DENND2A: variants seen among roughly 807,000 people sequenced by gnomAD.
The protein encoded by DENND2A is DENN domain-containing protein 2A.
In DENND2A, 53 loss-of-function variants were observed where a neutral mutation model predicts 105.3. That is an observed-to-expected ratio of 0.50 (90% confidence interval 0.40 to 0.63). DENND2A has a LOEUF of 0.63. DENND2A is among the 30% of genes least tolerant of loss of function. The probability of loss-of-function intolerance (pLI) is 0.00; values close to 1 mark genes in which losing one functional copy is unlikely to be tolerated. For missense variants in DENND2A, 1,138 were observed against 1,279.6 expected (o/e 0.89, Z 1.69); for synonymous variants, 522 against 508.4 (o/e 1.03, Z -0.36).
chr7:140,587,446 C>T (rs1057451257), intron 4 of DENND2A, among the ~76,000 whole-genome samples: 2 of 152,120 alleles, frequency 1.3e-5, no homozygotes, highest in African/African-American at 4.8e-5. Context: ...GCTAGTCTTC[C>T]CCCTCCAGCC....
chr7:140,541,766 C>G (rs930781325), intron 14 of DENND2A, among the ~76,000 whole-genome samples: 2 of 152,178 alleles, frequency 1.3e-5, no homozygotes, highest in Admixed American at 6.5e-5. Flanking sequence ...CAAAAGTGCA[C>G]CGGGAGTACG....
intron 1 of DENND2A, among the ~76,000 whole-genome samples, chr7:140,609,630 C>A (rs533007721): frequency 1.3e-5 from 2 of 152,186 alleles, no homozygotes; most frequent in Admixed American, 6.5e-5. Context: ...TTGAACATTT[C>A]TGTAAGTTTC....
chr7:140,568,636 G>C (rs890721910), intron 8 of DENND2A, 127 bp downstream of exon 8: 1 of 923,834 alleles, frequency 1.1e-6, no homozygotes, highest in Admixed American at 1.9e-5. Flanking sequence ...ACTGTCTCCC[G>C]AGATGTCCAC....
Position 140,535,209 on chromosome 7 carries a change from G to T in DENND2A, c.2328-7714C>A, listed in dbSNP as rs871271. On this transcript the variant is annotated intron_variant, in intron 14 of 19. Transcript: ENST00000496613. ...AGAGGAACACCCCAGGAACTGGAAG[G>T]CTGATTCAGTGAATGCCCTTTAGTA... 1.5e-3 allele frequency among the ~76,000 whole-genome samples: 232 copies of T among 152,300 alleles called. 2 individuals are homozygous for T. Among genetic ancestry groups the T allele is most frequent in the African/African-American group, 5.2e-3 (216 of 41,562 alleles).
chr7:140,593,675 C>T (rs995343736), intron 3 of DENND2A, among the ~76,000 whole-genome samples: 2 of 152,168 alleles, frequency 1.3e-5, no homozygotes, highest in African/African-American at 4.8e-5. Flanking sequence ...GGAAATCAGA[C>T]TCCTAGCCTC....
chr7:140,622,223 C>A (rs1800320102), intron 1 of DENND2A, among the ~76,000 whole-genome samples: 1 of 151,674 alleles, frequency 6.6e-6, no homozygotes, highest in Admixed American at 6.6e-5. Flanking sequence ...CATGGTGAAA[C>A]CGTCTCTACT....
intron 9 of DENND2A, among the ~76,000 whole-genome samples, chr7:140,566,188 C>T (rs60872627): frequency 0.028 from 4,332 of 152,158 alleles, 208 homozygotes; most frequent in African/African-American, 0.098. Context: ...CCTGCCACCA[C>T]GCCCAGCTAA....
intron 16 of DENND2A, among the ~76,000 whole-genome samples, chr7:140,525,481 C>A (rs1351408395): frequency 6.6e-6 from 1 of 152,072 alleles, no homozygotes; most frequent in East Asian, 1.9e-4. Context: ...AATCTAGGTG[C>A]CTATAGTTAT....
intron 13 of DENND2A, among the ~76,000 whole-genome samples, chr7:140,545,307 A>G (rs1796850485): frequency 6.6e-6 from 1 of 151,700 alleles, no homozygotes; most frequent in African/African-American, 2.4e-5. Flanking sequence ...ACACCATCCC[A>G]CTCCATTTCT....
intron 1 of DENND2A, among the ~76,000 whole-genome samples, chr7:140,620,355 G>T (rs917914935): frequency 4.9e-5 from 6 of 121,990 alleles, no homozygotes; most frequent in Admixed American, 4.1e-4. Flanking sequence ...GGGGTGGGGG[G>T]GGGGAGGAGG....
At chr7:140,627,064 C>G (rs936622064) in intron 1 of DENND2A, among the ~76,000 whole-genome samples, 1 of 152,170 alleles carries the variant, frequency 6.6e-6, no homozygotes, top group African/African-American at 2.4e-5. Context: ...GAAATTGCAC[C>G]TGTAAAACAT....
intron 12 of DENND2A, 138 bp from the exon 13 acceptor site, chr7:140,547,077 G>T: frequency 9.3e-7 from 1 of 1,073,144 alleles, no homozygotes; most frequent in Non-Finnish European, 1.3e-6. Flanking sequence ...GCCAAAACAG[G>T]CCCTTTGACC....
At chr7:140,555,561 T>C (rs1797327087) in intron 12 of DENND2A, 75 bp downstream of exon 12, 2 of 1,299,638 alleles carry the variant, frequency 1.5e-6, no homozygotes, top group Non-Finnish European at 2.2e-6. Context: ...GCCCAGGACA[T>C]GGGGGTATTC....
chr7:140,542,767 T>C (rs915226811), intron 14 of DENND2A, among the ~76,000 whole-genome samples: 10 of 152,102 alleles, frequency 6.6e-5, no homozygotes, highest in African/African-American at 2.4e-4. Context: ...GGTTTCACCA[T>C]GTTGTTCAGG....
chr7:140,596,258 C>T (rs984620640), intron 3 of DENND2A, among the ~76,000 whole-genome samples: 2 of 152,188 alleles, frequency 1.3e-5, no homozygotes, highest in African/African-American at 4.8e-5. Context: ...TCCAATGCAG[C>T]TTCTATTGAA....
chr7:140,555,020 A>T (rs1797299336), intron 12 of DENND2A, among the ~76,000 whole-genome samples: 1 of 152,328 alleles, frequency 6.6e-6, no homozygotes, highest in African/African-American at 2.4e-5. Flanking sequence ...CAGAAGAAGA[A>T]AAATAAAACA....
chr7:140,629,514 G>A (rs1231624215), intron 1 of DENND2A, among the ~76,000 whole-genome samples: 1 of 152,212 alleles, frequency 6.6e-6, no homozygotes, highest in Non-Finnish European at 1.5e-5. Context: ...GACGGACCCG[G>A]CAGCAGGCTA....
intron 1 of DENND2A, among the ~76,000 whole-genome samples, chr7:140,612,894 C>T (rs1799950478): frequency 6.6e-6 from 1 of 151,820 alleles, no homozygotes; most frequent in Non-Finnish European, 1.5e-5. Flanking sequence ...GCGGGTGGAT[C>T]ACCTGAGGTC....
intron 14 of DENND2A, among the ~76,000 whole-genome samples, chr7:140,541,662 G>A (rs1796664164): frequency 6.6e-6 from 1 of 152,204 alleles, no homozygotes; most frequent in African/African-American, 2.4e-5. Context: ...AGAACTCCCT[G>A]GGCTGAATTC....
Sources: gnomAD v4.1 joint callset for allele counts (sites outside exome capture counted in the v4.1 genomes callset) on GRCh38, gnomAD v4.1.1 for gene constraint, MANE v1.5 for transcripts, NCBI Gene and HGNC (gene_info 2026-07-23, HGNC 2026-07-21) for gene names.